ATP2B2: variants seen among roughly 807,000 people sequenced by gnomAD.
The protein encoded by ATP2B2 is ATPase plasma membrane Ca2+ transporting 2.
Under a neutral mutation model 120.0 loss-of-function variants are expected in ATP2B2, and 15 were observed. The observed-to-expected ratio is 0.12, with a 90% CI of 0.08 to 0.19. ATP2B2 has a LOEUF of 0.19. Ranked by LOEUF, ATP2B2 falls within the 10% of genes least tolerant of loss-of-function variation. The pLI, the probability that ATP2B2 is intolerant of heterozygous loss-of-function variation, is 1.00. For missense variants in ATP2B2, 1,045 were observed against 1,719.8 expected, an observed-to-expected ratio of 0.61 and a Z score of 6.94; for synonymous variants, 694 against 700.3, an observed-to-expected ratio of 0.99 and a Z score of 0.14.
intron 1 of ATP2B2, among the ~76,000 whole-genome samples, chr3:10,492,877 A>C (rs2065987370): frequency 6.6e-6 from 1 of 152,164 alleles, no homozygotes; most frequent in Non-Finnish European, 1.5e-5. Context: ...AACTTGGCCG[A>C]GGCTGCCACC....
chr3:10,703,980 C>T (rs1237302756), intron 1 of ATP2B2, among the ~76,000 whole-genome samples: 1 of 152,150 alleles, frequency 6.6e-6, no homozygotes, highest in Non-Finnish European at 1.5e-5. Context: ...AAGTAGCCAA[C>T]CCCGAGCCTG....
At position 10,329,304 on chromosome 3, in the gene ATP2B2, T is replaced by C. The variant is rs565167672; in HGVS notation, c.3421-179A>G. On this transcript the variant is annotated intron_variant, in intron 22 of 22. Transcript: ENST00000360273. The surrounding 1 kb of genome is among the most constrained non-coding windows in gnomAD (Gnocchi z 5.9). ...AGAGTGAAAAAGGGGGCTCAGGTTA[T>C]AGGCATCCTTGAGCTGGTTTTTAAA... is the stretch of plus-strand genomic sequence containing the variant. 6.6e-6 allele frequency among the ~76,000 whole-genome samples: 1 copy of C among 151,998 alleles called. No homozygotes were observed. Among genetic ancestry groups the C allele is most frequent in the Non-Finnish European group, 1.5e-5 (1 of 67,998 alleles).
intron 11 of ATP2B2, among the ~76,000 whole-genome samples, chr3:10,373,456 G>C (rs1235248400): frequency 6.6e-6 from 1 of 152,182 alleles, no homozygotes; most frequent in Admixed American, 6.6e-5. Flanking sequence ...CATGTATTGT[G>C]ACTACACCTA....
At chr3:10,513,347 A>G (rs553646216) in intron 3 of ATP2B2, among the ~76,000 whole-genome samples, 12 of 152,252 alleles carry the variant, frequency 7.9e-5, no homozygotes, top group African/African-American at 1.7e-4. Context: ...GCAGTTCTCA[A>G]TGAATTAAAA....
chr3:10,519,780 A>C (rs1402368383), intron 3 of ATP2B2, among the ~76,000 whole-genome samples: 1 of 152,244 alleles, frequency 6.6e-6, no homozygotes. Flanking sequence ...GGCACTCAGC[A>C]GTCACTTGTT....
chr3:10,543,472 T>G (rs898898453), intron 2 of ATP2B2, among the ~76,000 whole-genome samples: 1 of 152,220 alleles, frequency 6.6e-6, no homozygotes, highest in Admixed American at 6.5e-5. Flanking sequence ...ATAGATTGAA[T>G]GCAGATGTGA....
intron 2 of ATP2B2, among the ~76,000 whole-genome samples, chr3:10,540,916 T>A (rs1380919786): frequency 1.3e-5 from 2 of 151,790 alleles, no homozygotes; most frequent in Non-Finnish European, 2.9e-5. Context: ...TTAGGAAATT[T>A]AAAAATTACA....
At chr3:10,630,311 C>T (rs1323247195) in intron 1 of ATP2B2, among the ~76,000 whole-genome samples, 3 of 152,194 alleles carry the variant, frequency 2.0e-5, no homozygotes, top group African/African-American at 7.2e-5. Context: ...TGCTCTCCCT[C>T]TTCCCACCTT....
intron 3 of ATP2B2, among the ~76,000 whole-genome samples, chr3:10,515,779 A>G (rs1249567021): frequency 6.6e-6 from 1 of 152,142 alleles, no homozygotes; most frequent in African/African-American, 2.4e-5. Flanking sequence ...GATGATATCT[A>G]CTTTGGAGTT....
intron 2 of ATP2B2, among the ~76,000 whole-genome samples, chr3:10,575,299 T>C (rs2068219512): frequency 6.6e-6 from 1 of 152,098 alleles, no homozygotes; most frequent in Non-Finnish European, 1.5e-5. Context: ...TATATGTCTG[T>C]AAAGCTCAGA....
At chr3:10,577,152 C>A (rs1004705212) in intron 2 of ATP2B2, among the ~76,000 whole-genome samples, 1 of 151,858 alleles carries the variant, frequency 6.6e-6, no homozygotes, top group Non-Finnish European at 1.5e-5. Context: ...GCACTGAGAT[C>A]CCATTCCAGA....
intron 1 of ATP2B2, among the ~76,000 whole-genome samples, chr3:10,470,845 C>T (rs945821998): frequency 1.6e-4 from 25 of 152,148 alleles, no homozygotes; most frequent in African/African-American, 6.0e-4. Flanking sequence ...ACCTGTCCCT[C>T]AGTTCCCCCA....
intron 2 of ATP2B2, among the ~76,000 whole-genome samples, chr3:10,436,512 C>T (rs1038119164): frequency 2.0e-5 from 3 of 152,238 alleles, no homozygotes; most frequent in African/African-American, 7.2e-5. Flanking sequence ...GCACAGGCTG[C>T]TTTGGAATCC....
At chr3:10,670,574 C>T (rs1430612018) in intron 1 of ATP2B2, among the ~76,000 whole-genome samples, 1 of 151,092 alleles carries the variant, frequency 6.6e-6, no homozygotes, top group African/African-American at 2.5e-5. Context: ...CCCGCCACCA[C>T]ACCTGGCTAA....
intron 1 of ATP2B2, among the ~76,000 whole-genome samples, chr3:10,683,760 G>GTGTGTGTATATATA (rs1446781892): frequency 3.9e-4 from 21 of 53,900 alleles, no homozygotes; most frequent in African/African-American, 6.2e-4. Flanking sequence ...GTGTGTGTGT[G>GTGTGTGTATATATA]TATATATATA....
chr3:10,606,579 G>C (rs2069073133), intron 2 of ATP2B2, among the ~76,000 whole-genome samples: 1 of 152,128 alleles, frequency 6.6e-6, no homozygotes. Context: ...GTTAACTCTG[G>C]AAGTCAGTCT....
At chr3:10,539,024 A>G (rs1223781673) in intron 2 of ATP2B2, among the ~76,000 whole-genome samples, 1 of 152,246 alleles carries the variant, frequency 6.6e-6, no homozygotes, top group African/African-American at 2.4e-5. Flanking sequence ...CAACTTCAGC[A>G]AAGTCTCAGG....
At chr3:10,409,143 T>A (rs2062519360) in intron 3 of ATP2B2, among the ~76,000 whole-genome samples, 1 of 152,252 alleles carries the variant, frequency 6.6e-6, no homozygotes, top group African/African-American at 2.4e-5. Context: ...CACTCTTAGC[T>A]TTGTTCAAGG....
chr3:10,345,781 T>A (rs911269597), intron 17 of ATP2B2, among the ~76,000 whole-genome samples: 1 of 151,830 alleles, frequency 6.6e-6, no homozygotes, highest in Non-Finnish European at 1.5e-5. Flanking sequence ...CCTGGCCCCC[T>A]CTCCCCCTCT....
Sources: allele counts gnomAD v4.1 joint callset (sites outside exome capture counted in the v4.1 genomes callset), GRCh38; gene constraint gnomAD v4.1.1; non-coding constraint Gnocchi (gnomAD v3.1); transcripts MANE v1.5; gene names NCBI Gene and HGNC (gene_info 2026-07-23, HGNC 2026-07-21).